UGT2A2: variants seen among roughly 807,000 people sequenced by gnomAD.
The protein encoded by UGT2A2 is UDP-glucuronosyltransferase 2A2.
UGT2A2 carries 60 observed loss-of-function variants against 50.7 expected under a neutral mutation model. The observed-to-expected ratio is 1.18, with a 90% confidence interval of 0.96 to 1.47. UGT2A2 has a LOEUF of 1.47. UGT2A2 is among the 40% of genes most tolerant of loss of function. UGT2A2 has a pLI of 0.00. For synonymous variants in UGT2A2, 242 were observed against 214.6 expected (o/e 1.13, Z -1.11); for missense variants, 762 against 634.0 (o/e 1.20, Z -2.17).
At chr4:69,597,838 C>A (rs1719030360) in intron 2 of UGT2A2, among the ~76,000 whole-genome samples, 1 of 151,944 alleles carries the variant, frequency 6.6e-6, no homozygotes, top group Admixed American at 6.6e-5. Context: ...CAGTGATTGG[C>A]GTAATTATTT....
Position 69,589,290 on chromosome 4 carries a change from C to A in UGT2A2, c.*82G>T. 1 of 1,411,838 alleles carries A rather than the reference C, an allele frequency of 7.1e-7. No homozygotes were observed. Among genetic ancestry groups the A allele is most frequent in the South Asian group, 1.7e-5 (1 of 58,100 alleles). The allele number at this position is 1,411,838 out of a possible 1,614,324, so 87.5% of individuals were successfully genotyped here. On this transcript the variant is annotated 3_prime_UTR_variant, in exon 6 of 6. Transcript: ENST00000604629. The stretch of plus-strand genomic sequence containing the variant: ...ATGGGAGACGTGTTTTTGTTAAACT[C>A]CTTTTGTCTGGAATTAATAGGACTA...
chr4:69,611,141 T>G (rs1720015801), intron 1 of UGT2A2, among the ~76,000 whole-genome samples: 1 of 151,668 alleles, frequency 6.6e-6, no homozygotes, highest in African/African-American at 2.4e-5. Flanking sequence ...GTTTTTTGGG[T>G]TTTTGTTTTT....
At chr4:69,629,235 A>G (rs1721253645) in intron 1 of UGT2A2, among the ~76,000 whole-genome samples, 1 of 152,044 alleles carries the variant, frequency 6.6e-6, no homozygotes, top group Admixed American at 6.6e-5. Flanking sequence ...TAATACAGTC[A>G]ATAAAAGTAG....
chr4:69,632,492 G>C (rs1270316139), intron 1 of UGT2A2, among the ~76,000 whole-genome samples: 7 of 152,130 alleles, frequency 4.6e-5, no homozygotes, highest in Non-Finnish European at 7.4e-5. Context: ...TAATCTCACG[G>C]AGGATAATTT....
At position 69,639,176 on chromosome 4, in the gene UGT2A2, C is replaced by T. The variant is rs1721904089; in HGVS notation, c.465G>A (p.Val155=). 1 of 1,613,700 alleles carries T rather than the reference C, an allele frequency of 6.2e-7. No individual in the cohort carries two copies. The highest frequency in any genetic ancestry group is 8.5e-7 in the Non-Finnish European group (1 of 1,179,754). ...AGATTGTTACTGGGTCTGCTACCAA[C>T]ACATCAAAACCACCTTTCTGAAGTC... ...MARLQKGGFD[V]LVADPVTICG... The change falls in exon 1 of 6, where the codon GTG becomes GTA. Residue 155 remains valine, a synonymous_variant. Coordinates refer to ENST00000604629, the MANE Select transcript of UGT2A2 (RefSeq NM_001105677.2).
Position 69,639,520 on chromosome 4 carries a change from G to T in UGT2A2, c.121C>A (p.His41Asn). Residue 41 changes from histidine (H) to asparagine (N), a missense_variant, in exon 1 of 6, where the codon CAT (histidine) becomes AAT (asparagine). His to Asn is a moderately conservative substitution (Grantham distance 68). Transcript: ENST00000604629. ...NVLIWPTDGS[H>N]WLNIKIILEE... ...AGAATAATCTTAATATTTAACCAATGGCTACCATCTGTAGGCCAAATTAAC... is the reference window on the plus strand; with the variant it reads ...AGAATAATCTTAATATTTAACCAATTGCTACCATCTGTAGGCCAAATTAAC... 6.2e-7 allele frequency: 1 copy of T among 1,613,154 alleles called. No individual in the cohort carries two copies. Among genetic ancestry groups the T allele is most frequent in the South Asian group, 1.1e-5 (1 of 90,958 alleles).
intron 1 of UGT2A2, among the ~76,000 whole-genome samples, chr4:69,623,820 A>T (rs1360539001): frequency 1.3e-5 from 2 of 151,560 alleles, no homozygotes; most frequent in Admixed American, 6.6e-5. Context: ...TTTAAAACAG[A>T]TTCATTTGAA....
At chr4:69,619,881 A>G (rs770906093) in intron 1 of UGT2A2, among the ~76,000 whole-genome samples, 2 of 152,044 alleles carry the variant, frequency 1.3e-5, no homozygotes, top group Non-Finnish European at 2.9e-5. Flanking sequence ...TTCATCATGT[A>G]AACAGAAACA....
At chr4:69,627,788 A>G (rs1241864941) in intron 1 of UGT2A2, among the ~76,000 whole-genome samples, 1 of 151,998 alleles carries the variant, frequency 6.6e-6, no homozygotes, top group Admixed American at 6.6e-5. Flanking sequence ...AAATATTAAT[A>G]TCACATTGAA....
At chr4:69,632,168 G>A (rs189555371) in intron 1 of UGT2A2, among the ~76,000 whole-genome samples, 1 of 152,172 alleles carries the variant, frequency 6.6e-6, no homozygotes, top group East Asian at 1.9e-4. Context: ...TACATTCACA[G>A]CAATTTTTAA....
intron 2 of UGT2A2, 28 bp from the exon 3 acceptor site, chr4:69,596,409 A>C: frequency 1.3e-6 from 2 of 1,532,932 alleles, no homozygotes; most frequent in Non-Finnish European, 1.8e-6. Context: ...TTTCTATTAC[A>C]AAGGTGTAGC....
At chr4:69,637,544 A>G (rs1721780246) in intron 1 of UGT2A2, among the ~76,000 whole-genome samples, 1 of 152,026 alleles carries the variant, frequency 6.6e-6, no homozygotes, top group South Asian at 2.1e-4. Context: ...GATCTTATGG[A>G]TTCTGACTTT....
intron 1 of UGT2A2, among the ~76,000 whole-genome samples, chr4:69,602,028 A>G (rs1279480793): frequency 7.3e-6 from 1 of 137,440 alleles, no homozygotes; most frequent in African/African-American, 2.9e-5. Flanking sequence ...TTAAAAGTCA[A>G]TCATACTCAA....
At chr4:69,638,135 G>C (rs1448638324) in intron 1 of UGT2A2, among the ~76,000 whole-genome samples, 1 of 152,126 alleles carries the variant, frequency 6.6e-6, no homozygotes, top group Non-Finnish European at 1.5e-5. Flanking sequence ...CTGTGAGAAA[G>C]TACCAGTGGT....
At chr4:69,589,748 C>A in intron 5 of UGT2A2, 97 bp from the exon 6 acceptor site, 2 of 1,476,788 alleles carry the variant, frequency 1.4e-6, no homozygotes, top group African/African-American at 1.4e-5. Context: ...AAGTTTAAGG[C>A]CATAGTTACG....
chr4:69,605,610 T>C (rs1719560469), intron 1 of UGT2A2, among the ~76,000 whole-genome samples: 1 of 136,222 alleles, frequency 7.3e-6, no homozygotes, highest in Non-Finnish European at 1.6e-5. Flanking sequence ...CAAAAAACCC[T>C]TTAAAAAATC....
chr4:69,592,425 T>C (rs1577939949), intron 5 of UGT2A2, among the ~76,000 whole-genome samples: 1 of 152,060 alleles, frequency 6.6e-6, no homozygotes, highest in African/African-American at 2.4e-5. Context: ...AGGTATTGCA[T>C]ATAGTCCAAA....
intron 1 of UGT2A2, among the ~76,000 whole-genome samples, chr4:69,611,569 T>C (rs1002450844): frequency 6.6e-6 from 1 of 152,080 alleles, no homozygotes; most frequent in Admixed American, 6.6e-5. Context: ...AATCTGTGTG[T>C]TAGCATAGAA....
Position 69,639,233 on chromosome 4 carries a change from A to T in UGT2A2, c.408T>A (p.Asp136Glu). ...TFFQINIQLC[D>E]GVLKNPKLMA... ...TCAACTTTGGGTTCTTTAGTACACC[A>T]TCACAGAGTTGTATGTTAATTTGAA... is the stretch of plus-strand genomic sequence containing the variant. Residue 136 changes from aspartate (D) to glutamate (E), a missense_variant, in exon 1 of 6, where the codon GAT (aspartate) becomes GAA (glutamate). Physicochemically the swap from Asp to Glu is conservative, Grantham distance 45. Transcript: ENST00000604629. 1 of 1,613,746 alleles carries T rather than the reference A, an allele frequency of 6.2e-7. No homozygotes were observed. The highest frequency in any genetic ancestry group is 8.5e-7 in the Non-Finnish European group (1 of 1,179,768).
Sources: gnomAD v4.1 joint callset for allele counts (sites outside exome capture counted in the v4.1 genomes callset) on GRCh38, gnomAD v4.1.1 for gene constraint, MANE v1.5 for transcripts, NCBI Gene and HGNC (gene_info 2026-07-23, HGNC 2026-07-21) for gene names.